The following PDE4B variants were observed in gnomAD, a reference collection of about 807,000 sequenced individuals.
PDE4B encodes the protein 3',5'-cyclic-AMP phosphodiesterase 4B.
Under a neutral mutation model 82.2 loss-of-function variants are expected in PDE4B, and 20 were observed. The observed-to-expected ratio is 0.24, with a 90% CI of 0.17 to 0.35. The LOEUF (loss-of-function observed/expected upper bound fraction) is 0.35. Among genes scored for constraint, PDE4B ranks in the 10% least tolerant of loss-of-function variants. The pLI is 1.00. For synonymous variants in PDE4B, 320 were observed against 318.9 expected (o/e 1.00, Z -0.04); for missense variants, 655 against 907.2 (o/e 0.72, Z 3.57).
intron 7 of PDE4B, among the ~76,000 whole-genome samples, chr1:66,329,725 A>G (rs7547231): frequency 0.055 from 8,419 of 152,248 alleles, 332 homozygotes; most frequent in Non-Finnish European, 0.086. Context: ...TTATAACTTT[A>G]TGAGATAAAT....
At chr1:66,199,721 T>C (rs1305793043) in intron 3 of PDE4B, among the ~76,000 whole-genome samples, 1 of 152,156 alleles carries the variant, frequency 6.6e-6, no homozygotes, top group Non-Finnish European at 1.5e-5. Context: ...TTCACAAATA[T>C]CTACACCTTC....
At chr1:66,257,771 G>A (rs373295012) in intron 5 of PDE4B, 22 bp from the exon 6 acceptor site, 56 of 1,611,044 alleles carry the variant, frequency 3.5e-5, no homozygotes, top group South Asian at 9.9e-5. Flanking sequence ...GTCCTTAACC[G>A]TTTAAAACAT....
At chr1:66,129,355 A>G (rs936657581) in intron 3 of PDE4B, among the ~76,000 whole-genome samples, 1 of 152,192 alleles carries the variant, frequency 6.6e-6, no homozygotes, top group Admixed American at 6.5e-5. Flanking sequence ...GTAACTTAGC[A>G]TATCATTTAA....
Position 66,247,556 on chromosome 1 carries a change from G to C in PDE4B, c.378G>C (p.Gly126=). The change falls in exon 4 of 17, where the codon GGG becomes GGC. Residue 126 remains glycine (G), a synonymous_variant. Coordinates refer to ENST00000341517, the MANE Select transcript of PDE4B (RefSeq NM_002600.4). ...TGGTACTTCACGCCACCTTTCCTGG[G>C]CACAGCCAGCGCAGAGAGTCATTTC... The part of the protein sequence containing the change: ...AGLVLHATFP[G]HSQRRESFLY... 6.2e-7 allele frequency: 1 copy of C among 1,612,090 alleles called. No individual in the cohort carries two copies. The highest frequency in any genetic ancestry group is 2.2e-5 in the East Asian group (1 of 44,680).
chr1:66,246,643 A>G (rs1161255851), intron 3 of PDE4B, among the ~76,000 whole-genome samples: 1 of 152,228 alleles, frequency 6.6e-6, no homozygotes, highest in Non-Finnish European at 1.5e-5. Context: ...GGATACAGAA[A>G]ACAAGAGACA....
intron 3 of PDE4B, among the ~76,000 whole-genome samples, chr1:66,178,441 TACA>T: frequency 6.6e-6 from 1 of 152,290 alleles, no homozygotes. Flanking sequence ...GATAAATAAA[TACA>T]ACTTTTATAA....
intron 7 of PDE4B, among the ~76,000 whole-genome samples, chr1:66,268,845 T>A (rs1329489504): frequency 6.6e-6 from 1 of 152,166 alleles, no homozygotes; most frequent in African/African-American, 2.4e-5. Context: ...GCTCCTTTTT[T>A]GTGCTATGGC....
At chr1:66,020,283 G>T (rs1653017472) in intron 3 of PDE4B, among the ~76,000 whole-genome samples, 1 of 151,884 alleles carries the variant, frequency 6.6e-6, no homozygotes, top group South Asian at 2.1e-4. Flanking sequence ...TAGGATTCCT[G>T]GTATATAGCA....
chr1:66,116,166 C>A (rs1168916950), intron 3 of PDE4B, among the ~76,000 whole-genome samples: 2 of 151,796 alleles, frequency 1.3e-5, no homozygotes, highest in Non-Finnish European at 2.9e-5. Context: ...CTTGCATGGG[C>A]ATGCCCGGAT....
At chr1:66,140,051 A>T (rs1359609915) in intron 3 of PDE4B, among the ~76,000 whole-genome samples, 1 of 152,252 alleles carries the variant, frequency 6.6e-6, no homozygotes, top group Non-Finnish European at 1.5e-5. Context: ...CTTTTGCCTT[A>T]GGGAAAATGA....
chr1:65,856,688 A>G (rs547665581), intron 1 of PDE4B, among the ~76,000 whole-genome samples: 1 of 152,302 alleles, frequency 6.6e-6, no homozygotes, highest in South Asian at 2.1e-4. Flanking sequence ...TCCTTTGGGT[A>G]TATACTCAGT....
chr1:66,122,263 A>T (rs531090478), intron 3 of PDE4B, among the ~76,000 whole-genome samples: 62 of 152,164 alleles, frequency 4.1e-4, no homozygotes, highest in Non-Finnish European at 8.2e-4. Context: ...CACTCAGACC[A>T]TGTGCCAGGG....
intron 3 of PDE4B, among the ~76,000 whole-genome samples, chr1:66,170,452 C>A (rs1449325938): frequency 6.6e-6 from 1 of 151,970 alleles, no homozygotes; most frequent in African/African-American, 2.4e-5. Flanking sequence ...TATCTGTTTC[C>A]TCAGGTCAGG....
intron 3 of PDE4B, among the ~76,000 whole-genome samples, chr1:66,081,967 T>C: frequency 6.6e-6 from 1 of 152,054 alleles, no homozygotes; most frequent in East Asian, 1.9e-4. Context: ...ATCAGATTCC[T>C]GGAAAGGAAG....
At chr1:66,324,249 A>G (rs1360790724) in intron 7 of PDE4B, among the ~76,000 whole-genome samples, 2 of 152,180 alleles carry the variant, frequency 1.3e-5, no homozygotes, top group African/African-American at 2.4e-5. Flanking sequence ...CAAAAAAGTT[A>G]TGGAATTTAG....
chr1:66,279,861 C>T (rs1444023612), intron 7 of PDE4B, among the ~76,000 whole-genome samples: 1 of 152,128 alleles, frequency 6.6e-6, no homozygotes, highest in African/African-American at 2.4e-5. Context: ...CAAGGCCCAC[C>T]AACATCATCG....
At chr1:66,364,432 T>A (rs562493670) in intron 12 of PDE4B, among the ~76,000 whole-genome samples, 12 of 152,224 alleles carry the variant, frequency 7.9e-5, no homozygotes, top group Admixed American at 2.6e-4. Context: ...ACCGATATCA[T>A]CAACAATGTG....
intron 1 of PDE4B, among the ~76,000 whole-genome samples, chr1:65,821,689 T>C (rs1028026528): frequency 5.3e-5 from 8 of 152,242 alleles, no homozygotes; most frequent in Non-Finnish European, 1.0e-4. Context: ...GAATTGAGTG[T>C]CATTTTATAC....
At chr1:66,063,612 T>C (rs1216791374) in intron 3 of PDE4B, among the ~76,000 whole-genome samples, 2 of 152,040 alleles carry the variant, frequency 1.3e-5, no homozygotes, top group African/African-American at 4.8e-5. Flanking sequence ...CAAACATTTA[T>C]CATTTCTTTA....
Sources: allele counts gnomAD v4.1 joint callset (sites outside exome capture counted in the v4.1 genomes callset), GRCh38; gene constraint gnomAD v4.1.1; transcripts MANE v1.5; gene names NCBI Gene and HGNC (gene_info 2026-07-23, HGNC 2026-07-21).